Variants in GABRG3 observed in about 807,000 individuals in gnomAD.
The protein encoded by GABRG3 is gamma-aminobutyric acid type A receptor subunit gamma3, also known as gamma-aminobutyric acid receptor subunit gamma-3.
GABRG3 carries 25 observed loss-of-function variants against 48.8 expected under a neutral mutation model. That is an observed-to-expected ratio of 0.51 (90% CI 0.37 to 0.72). The LOEUF (loss-of-function observed/expected upper bound fraction) is 0.72, where lower values mean the gene tolerates loss of function less well. Ranked by LOEUF, GABRG3 falls within the 30% of genes least tolerant of loss-of-function variation. The probability of loss-of-function intolerance (pLI) is 0.00; values close to 1 mark genes in which losing one functional copy is unlikely to be tolerated. For synonymous variants in GABRG3, 227 were observed against 217.6 expected, an observed-to-expected ratio of 1.04 and a Z score of -0.38; for missense variants, 394 against 577.9, an observed-to-expected ratio of 0.68 and a Z score of 3.26.
At chr15:27,486,444 A>T (rs1890221868) in intron 6 of GABRG3, among the ~76,000 whole-genome samples, 1 of 152,244 alleles carries the variant, frequency 6.6e-6, no homozygotes, top group South Asian at 2.1e-4. Context: ...AGCTTCTGTA[A>T]GTAATTCTCC....
chr15:27,408,333 T>C (rs1472418465), intron 5 of GABRG3, among the ~76,000 whole-genome samples: 1 of 152,170 alleles, frequency 6.6e-6, no homozygotes, highest in Non-Finnish European at 1.5e-5. Flanking sequence ...ATATTAGTGA[T>C]ACATATAAAT....
intron 5 of GABRG3, among the ~76,000 whole-genome samples, chr15:27,351,774 GTGTT>G (rs200215921): frequency 0.027 from 4,071 of 150,232 alleles, 175 homozygotes; most frequent in African/African-American, 0.087. Context: ...TGTATAGTGT[GTGTT>G]TGTGTGTATG....
intron 3 of GABRG3, among the ~76,000 whole-genome samples, chr15:27,219,917 C>T (rs144033185): frequency 1.3e-5 from 2 of 152,166 alleles, no homozygotes; most frequent in African/African-American, 2.4e-5. Context: ...TATTCTTCAC[C>T]AGCAATAGAG....
At chr15:27,378,086 T>C (rs1471311936) in intron 5 of GABRG3, among the ~76,000 whole-genome samples, 3 of 152,130 alleles carry the variant, frequency 2.0e-5, no homozygotes, top group Non-Finnish European at 2.9e-5. Context: ...TCTTGTACTA[T>C]GTATGATATC....
chr15:27,156,678 A>T lies in GABRG3; in HGVS notation c.270+129857A>T, dbSNP rs558015502. On this transcript the variant is annotated intron_variant, in intron 3 of 9. Coordinates refer to ENST00000615808, the MANE Select transcript of GABRG3 (RefSeq NM_033223.5). Reference sequence around the variant, plus strand: ...AAATGAAATGGATTTATATTTTAAAAAATTTTCCTCAGCTCACTGTTTTCT... The same window carrying T: ...AAATGAAATGGATTTATATTTTAAATAATTTTCCTCAGCTCACTGTTTTCT... 1.1e-4 allele frequency among the ~76,000 whole-genome samples: 16 copies of T among 152,344 alleles called. 3 individuals are homozygous for T. The highest frequency in any genetic ancestry group is 3.8e-4 in the African/African-American group (16 of 41,574).
At chr15:27,358,516 G>A (rs1894915737) in intron 5 of GABRG3, among the ~76,000 whole-genome samples, 1 of 152,042 alleles carries the variant, frequency 6.6e-6, no homozygotes, top group Non-Finnish European at 1.5e-5. Context: ...ATGAGGGTGA[G>A]ATTAGGGGTG....
chr15:27,407,650 G>A (rs1887678430), intron 5 of GABRG3, among the ~76,000 whole-genome samples: 1 of 152,184 alleles, frequency 6.6e-6, no homozygotes, highest in Admixed American at 6.5e-5. Context: ...GAGCCAACAA[G>A]CCATAGAAAA....
In GABRG3 at chr15:27,024,939, T is replaced by G. The variant is rs552681651; in HGVS notation, c.203-1815T>G. Among the ~76,000 whole-genome samples the G allele has an allele frequency of 3.4e-4, 51 of 148,728 alleles. 1 individual carries two copies. In the South Asian group the frequency reaches 0.011, roughly 31 times the overall value. On this transcript the variant is annotated intron_variant, in intron 2 of 9. Transcript: ENST00000615808. The stretch of plus-strand genomic sequence containing the variant: ...TATTTGGGAGGCTGAGTCAGGAGAA[T>G]CGCTTGAACCGGGAGGCAGAGGTTG...
At chr15:27,058,545 G>A (rs1896591558) in intron 3 of GABRG3, among the ~76,000 whole-genome samples, 1 of 151,944 alleles carries the variant, frequency 6.6e-6, no homozygotes, top group Non-Finnish European at 1.5e-5. Flanking sequence ...AGTTTGGGAA[G>A]TTAATTTATA....
rs372206919 is a variant in GABRG3, at chr15:27,067,200, C to T, written c.270+40379C>T. On this transcript the variant is annotated intron_variant, in intron 3 of 9. Coordinates refer to ENST00000615808, the MANE Select transcript of GABRG3 (RefSeq NM_033223.5). Reference sequence around the variant, plus strand: ...ATCTGGGGCTGGTGAAGACGTGGCACTCCAGGAGCCGAGTGGACCTGGGGT... The same window carrying T: ...ATCTGGGGCTGGTGAAGACGTGGCATTCCAGGAGCCGAGTGGACCTGGGGT... 3.9e-5 allele frequency among the ~76,000 whole-genome samples: 6 copies of T among 152,282 alleles called. No individual in the cohort carries two copies. The South Asian group carries it at 6.2e-4, about 16-fold the overall frequency.
chr15:27,322,533 A>T (rs2098462423), intron 3 of GABRG3, among the ~76,000 whole-genome samples: 1 of 152,188 alleles, frequency 6.6e-6, no homozygotes, highest in Non-Finnish European at 1.5e-5. Flanking sequence ...AATGAGAAAA[A>T]AGTGGAAAAT....
intron 3 of GABRG3, among the ~76,000 whole-genome samples, chr15:27,078,813 C>T (rs1896949509): frequency 6.6e-6 from 1 of 152,186 alleles, no homozygotes. Context: ...ATGCTGTCCC[C>T]CTGCAATGCA....
intron 3 of GABRG3, among the ~76,000 whole-genome samples, chr15:27,173,081 C>G (rs562784847): frequency 6.6e-6 from 1 of 152,298 alleles, no homozygotes; most frequent in African/African-American, 2.4e-5. Flanking sequence ...AAACTTCACT[C>G]TGGGATTAGG....
intron 3 of GABRG3, among the ~76,000 whole-genome samples, chr15:27,145,597 A>ATCTCTC (rs1234820299): frequency 1.4e-5 from 1 of 72,014 alleles, no homozygotes; most frequent in Non-Finnish European, 3.5e-5. Flanking sequence ...ATATACATAT[A>ATCTCTC]TCTATCTCTA....
chr15:27,206,417 G>A (rs1445827686), intron 3 of GABRG3, among the ~76,000 whole-genome samples: 2 of 152,130 alleles, frequency 1.3e-5, no homozygotes, highest in African/African-American at 4.8e-5. Context: ...GTCTGAAAGT[G>A]TGGCTGGTAT....
intron 3 of GABRG3, among the ~76,000 whole-genome samples, chr15:27,280,798 T>C (rs983450013): frequency 1.3e-5 from 2 of 152,200 alleles, no homozygotes; most frequent in Non-Finnish European, 2.9e-5. Context: ...ATAATATCTT[T>C]TGTTGGTGAT....
In GABRG3 at chr15:27,535,399, C is replaced by T. The variant is rs1891525951; in HGVS notation, c.*2518C>T. On this transcript the variant is annotated 3_prime_UTR_variant, in exon 10 of 10. Transcript: ENST00000615808. ...CATTTGGATATTGTTAGCAACCCTC[C>T]TGAAATTTTACATGTAGGATAAATA... 6.6e-6 allele frequency: 1 copy of T among 152,194 alleles called. No homozygotes were observed. The highest frequency in any genetic ancestry group is 6.5e-5 in the Admixed American group (1 of 15,278). 9.4% of individuals were successfully genotyped at this position (152,194 alleles called of 1,614,324 possible).
chr15:27,158,597 G>A (rs1953091928), intron 3 of GABRG3, among the ~76,000 whole-genome samples: 1 of 152,158 alleles, frequency 6.6e-6, no homozygotes, highest in African/African-American at 2.4e-5. Flanking sequence ...TTCTATCTGA[G>A]AGAGACAAAT....
intron 6 of GABRG3, among the ~76,000 whole-genome samples, chr15:27,507,485 C>A (rs112463199): frequency 5.9e-5 from 9 of 152,112 alleles, no homozygotes; most frequent in African/African-American, 2.2e-4. Context: ...GCTTGGGTGA[C>A]AGAGTGAGAC....
Sources: allele counts gnomAD v4.1 joint callset (sites outside exome capture counted in the v4.1 genomes callset), GRCh38; gene constraint gnomAD v4.1.1; transcripts MANE v1.5; gene names NCBI Gene and HGNC (gene_info 2026-07-23, HGNC 2026-07-21).